ADGRG4: variants seen among roughly 807,000 people sequenced by gnomAD.
The protein encoded by ADGRG4 is G protein-coupled receptor 112.
A neutral mutation model predicts 126.2 loss-of-function variants in ADGRG4; 122 were observed. The observed-to-expected ratio is 0.97, with a 90% CI of 0.83 to 1.12. The LOEUF (loss-of-function observed/expected upper bound fraction) is 1.12, where lower values mean the gene tolerates loss of function less well. Among genes scored for constraint, ADGRG4 ranks in the 50% most tolerant of loss-of-function variants. The pLI is 0.00. For missense variants in ADGRG4, 2,481 were observed against 2,251.8 expected, an observed-to-expected ratio of 1.10 and a Z score of -2.06; for synonymous variants, 943 against 838.7, an observed-to-expected ratio of 1.12 and a Z score of -2.15.
chrX:136,337,448 C>T (rs1408446443), intron 5 of ADGRG4, among the ~76,000 whole-genome samples: 1 of 111,876 alleles, frequency 8.9e-6, no homozygotes, highest in African/African-American at 3.2e-5. Flanking sequence ...AAAATTATTT[C>T]TGTTTGAAGT....
chrX:136,371,411 G>T lies in ADGRG4; in HGVS notation c.7480G>T (p.Val2494Phe). 1 of 1,192,125 alleles carries T rather than the reference G, an allele frequency of 8.4e-7. No homozygotes were observed. The highest frequency in any genetic ancestry group is 1.1e-6 in the Non-Finnish European group (1 of 880,229). Residue 2494 changes from valine to phenylalanine, a missense_variant, in exon 14 of 26, where the codon GTT (valine) becomes TTT (phenylalanine). By Grantham distance (50) the Val-to-Phe change is conservative. Transcript: ENST00000394143. ...ALGKEETKII[V>F]SKISDISQCD... ...GGGTAAAGAAGAGACAAAGATTATT[G>T]TTTCTAAAATATCAGATATTTCACA...
chrX:136,408,772 A>T (rs2075429220), intron 23 of ADGRG4, among the ~76,000 whole-genome samples: 1 of 111,655 alleles, frequency 9.0e-6, no homozygotes, highest in Non-Finnish European at 1.9e-5. Flanking sequence ...GCTCTGTTTT[A>T]ATTTCTTTGA....
chrX:136,407,687 T>C (rs2075422495), intron 23 of ADGRG4, among the ~76,000 whole-genome samples: 1 of 112,209 alleles, frequency 8.9e-6, no homozygotes, highest in Non-Finnish European at 1.9e-5. Context: ...TTCCTTCACA[T>C]GCCATTTTTA....
chrX:136,336,638 G>A, intron 5 of ADGRG4, among the ~76,000 whole-genome samples: 1 of 111,370 alleles, frequency 9.0e-6, no homozygotes, highest in East Asian at 2.8e-4. Context: ...GTACTCTAGT[G>A]AATATTATTA....
In ADGRG4 at chrX:136,399,858, A is replaced by G. The variant is rs951740719; in HGVS notation, c.8317A>G (p.Lys2773Glu). 4.7e-5 allele frequency: 56 copies of G among 1,200,738 alleles called. No individual in the cohort carries two copies. The highest frequency in any genetic ancestry group is 6.2e-5 in the Non-Finnish European group (55 of 889,485). ...VTYIAFHKLR[K>E]DYPAKILINL... is the part of the protein sequence containing the mutation. Reference sequence around the variant, plus strand: ...TACTTTCTCTTTTAGCAAACTTCGAAAAGATTATCCTGCCAAAATTCTGAT... The same window carrying G: ...TACTTTCTCTTTTAGCAAACTTCGAGAAGATTATCCTGCCAAAATTCTGAT... The change falls in exon 21 of 26, where the codon AAA (lysine) becomes GAA (glutamate). Residue 2773 changes from lysine (K) to glutamate (E), a missense_variant. Coordinates refer to ENST00000394143, the MANE Select transcript of ADGRG4 (RefSeq NM_153834.4).
Position 136,403,238 on chromosome X carries a change from C to T in ADGRG4, c.8576-6C>T, listed in dbSNP as rs778462359. 1.9e-5 allele frequency: 23 copies of T among 1,207,903 alleles called. No individual in the cohort carries two copies. Among genetic ancestry groups the T allele is most frequent in the Non-Finnish European group, 2.6e-5 (23 of 891,848 alleles). On this transcript the variant is annotated splice_region_variant and splice_polypyrimidine_tract_variant and intron_variant, in intron 21 of 25. Coordinates refer to ENST00000394143, the MANE Select transcript of ADGRG4 (RefSeq NM_153834.4). ...GAAATGCCTTTGACTTGCTTTCCCA[C>T]TGCAGGAATCCCGGCTATCATGGTG...
At chrX:136,394,550 A>G (rs1182737228) in intron 18 of ADGRG4, among the ~76,000 whole-genome samples, 1 of 111,722 alleles carries the variant, frequency 9.0e-6, no homozygotes, top group African/African-American at 3.3e-5. Context: ...GATCCCCTCC[A>G]AGTCTCTCAG....
At chrX:136,409,645 G>T (rs185028747) in intron 23 of ADGRG4, among the ~76,000 whole-genome samples, 2 of 111,587 alleles carry the variant, frequency 1.8e-5, no homozygotes, top group Admixed American at 1.9e-4. Context: ...AAACCCTTGG[G>T]AGAGTTAGCG....
chrX:136,379,763 G>A (rs1428945655), intron 15 of ADGRG4, among the ~76,000 whole-genome samples: 2 of 110,427 alleles, frequency 1.8e-5, no homozygotes, highest in African/African-American at 6.6e-5. Flanking sequence ...CTGACCCGTT[G>A]AATAACAAGT....
chrX:136,326,124 A>G (rs902074750), intron 5 of ADGRG4, among the ~76,000 whole-genome samples: 1 of 112,411 alleles, frequency 8.9e-6, no homozygotes, highest in African/African-American at 3.2e-5. Flanking sequence ...AACAAACAAA[A>G]AAAGGTAGTA....
chrX:136,364,897 C>A (rs1358496598), intron 13 of ADGRG4, among the ~76,000 whole-genome samples: 3 of 111,479 alleles, frequency 2.7e-5, no homozygotes, highest in Non-Finnish European at 5.7e-5. Context: ...TAGGGGTATA[C>A]CTAAAGCATA....
chrX:136,385,580 A>G (rs1569334523), intron 15 of ADGRG4, among the ~76,000 whole-genome samples: 1 of 111,685 alleles, frequency 9.0e-6, no homozygotes, highest in Non-Finnish European at 1.9e-5. Context: ...GCTAATTCTA[A>G]TATCTGGAAA....
chrX:136,362,033 C>T lies in ADGRG4; in HGVS notation c.7277+446C>T, dbSNP rs184616796. Among the ~76,000 whole-genome samples the T allele has an allele frequency of 8.1e-3, 904 of 111,803 alleles. 5 individuals are homozygous for T. The highest frequency in any genetic ancestry group is 0.012 in the Non-Finnish European group (630 of 53,143). ...ACATTTATTATCTTAATGTTCATTT[C>T]AAAATAACGACCTTGGAAACCATCT... On this transcript the variant is annotated intron_variant, in intron 12 of 25. Coordinates refer to ENST00000394143, the MANE Select transcript of ADGRG4 (RefSeq NM_153834.4).
intron 5 of ADGRG4, among the ~76,000 whole-genome samples, chrX:136,336,556 G>A (rs776992650): frequency 1.8e-5 from 2 of 111,682 alleles, no homozygotes; most frequent in Admixed American, 1.9e-4. Context: ...GGATCACCAT[G>A]TCTTCCTGGT....
chrX:136,375,028 A>C (rs2075217115), intron 15 of ADGRG4, among the ~76,000 whole-genome samples: 1 of 105,905 alleles, frequency 9.4e-6, no homozygotes, highest in Non-Finnish European at 2.0e-5. Flanking sequence ...TTTATCCTTC[A>C]CCCCCCCCAC....
At chrX:136,368,937 C>G (rs2075175715) in intron 13 of ADGRG4, among the ~76,000 whole-genome samples, 1 of 112,399 alleles carries the variant, frequency 8.9e-6, no homozygotes, top group Admixed American at 9.4e-5. Context: ...CAGCACATCA[C>G]AAGCCAGACC....
In ADGRG4 at chrX:136,392,429, G is replaced by T. The variant is rs764891556; in HGVS notation, c.8034+75G>T. On this transcript the variant is annotated intron_variant, in intron 17 of 25. Transcript: ENST00000394143. ...ACGACTTTTCTGTTAAAAGTAATTTGTTAATTAACAGATGTGATTCTAACA... is the reference window on the plus strand; with the variant it reads ...ACGACTTTTCTGTTAAAAGTAATTTTTTAATTAACAGATGTGATTCTAACA... The T allele has an allele frequency of 1.4e-5, 12 of 877,574 alleles. No individual in the cohort carries two copies. The Middle Eastern group carries it at 1.8e-3, about 130-fold the overall frequency. 72.3% of individuals were successfully genotyped at this position (877,574 alleles called of 1,213,427 possible).
At chrX:136,315,940 T>A (rs1024166314) in intron 4 of ADGRG4, among the ~76,000 whole-genome samples, 5 of 111,554 alleles carry the variant, frequency 4.5e-5, no homozygotes, top group Non-Finnish European at 1.9e-5. Context: ...TAGAACAGAT[T>A]CTCTCTCACA....
intron 23 of ADGRG4, among the ~76,000 whole-genome samples, chrX:136,406,559 C>T (rs963364564): frequency 2.7e-5 from 3 of 111,697 alleles, no homozygotes; most frequent in African/African-American, 9.8e-5. Flanking sequence ...TCCTTTATTC[C>T]GATGAAATGA....
Sources: gnomAD v4.1 joint callset for allele counts (sites outside exome capture counted in the v4.1 genomes callset) on GRCh38, gnomAD v4.1.1 for gene constraint, MANE v1.5 for transcripts, NCBI Gene and HGNC (gene_info 2026-07-23, HGNC 2026-07-21) for gene names.